NDST3: variants seen among roughly 807,000 people sequenced by gnomAD.
NDST3 encodes bifunctional heparan sulfate N-deacetylase/N-sulfotransferase 3.
A neutral mutation model predicts 96.1 loss-of-function variants in NDST3; 58 were observed. The ratio of observed to expected loss-of-function variants is 0.60; its 90% CI spans 0.49 to 0.75. The LOEUF (loss-of-function observed/expected upper bound fraction) is 0.75. Among genes scored for constraint, NDST3 ranks in the 30% least tolerant of loss-of-function variants. The pLI is 0.00. For missense variants in NDST3, 788 were observed against 1,034.2 expected (o/e 0.76, Z 3.27); for synonymous variants, 333 against 359.7 (o/e 0.93, Z 0.84).
rs1397061873 is a variant in NDST3, at chr4:118,207,295, G to T, written c.1540-17196G>T. 2.8e-5 allele frequency among the ~76,000 whole-genome samples: 4 copies of T among 143,732 alleles called. 1 individual carries two copies. Among genetic ancestry groups the T allele is most frequent in the African/African-American group, 1.0e-4 (4 of 38,854 alleles). 94.3% of individuals were successfully genotyped at this position (143,732 alleles called of 152,430 possible). On this transcript the variant is annotated intron_variant, in intron 6 of 13. Coordinates refer to ENST00000296499, the MANE Select transcript of NDST3 (RefSeq NM_004784.3). Reference sequence around the variant, plus strand: ...ATATTGGAGAGATAACTTATTAGAAGTTGATAGTGGGGGAAAATTTATAAA... The same window carrying T: ...ATATTGGAGAGATAACTTATTAGAATTTGATAGTGGGGGAAAATTTATAAA...
intron 6 of NDST3, among the ~76,000 whole-genome samples, chr4:118,150,949 G>GTGGCT (rs1280355772): frequency 2.0e-5 from 3 of 151,248 alleles, no homozygotes; most frequent in African/African-American, 7.4e-5. Context: ...TATGTTTATT[G>GTGGCT]CAGCATTATT....
At chr4:118,068,945 AT>A (rs1468902910) in intron 2 of NDST3, among the ~76,000 whole-genome samples, 2 of 152,106 alleles carry the variant, frequency 1.3e-5, no homozygotes, top group African/African-American at 4.8e-5. Context: ...ATTTTGGCAA[AT>A]ATGTGTACAT....
chr4:118,174,257 A>T (rs1438341049), intron 6 of NDST3, among the ~76,000 whole-genome samples: 2 of 152,202 alleles, frequency 1.3e-5, no homozygotes, highest in African/African-American at 4.8e-5. Context: ...GTTAAACTAA[A>T]CTTGATATGA....
intron 6 of NDST3, among the ~76,000 whole-genome samples, chr4:118,155,725 T>C (rs1734671726): frequency 6.6e-6 from 1 of 152,162 alleles, no homozygotes; most frequent in East Asian, 1.9e-4. Context: ...TGGTTTACAG[T>C]TTCAGTTTCC....
chr4:118,226,353 A>G (rs1324418710), intron 7 of NDST3, among the ~76,000 whole-genome samples: 1 of 152,186 alleles, frequency 6.6e-6, no homozygotes, highest in Non-Finnish European at 1.5e-5. Context: ...ATCATAGTCT[A>G]TAAAGTTACA....
chr4:118,255,514 A>T, intron 13 of NDST3, 79 bp from the exon 14 acceptor site: 1 of 1,385,996 alleles, frequency 7.2e-7, no homozygotes, highest in Admixed American at 2.1e-5. Flanking sequence ...TATACTTGGT[A>T]CTTATTTCAA....
intron 6 of NDST3, among the ~76,000 whole-genome samples, chr4:118,163,413 A>G (rs1578751547): frequency 1.3e-5 from 2 of 152,280 alleles, no homozygotes; most frequent in South Asian, 4.1e-4. Context: ...ATGGAATACT[A>G]TGCAGCCATA....
chr4:118,053,780 C>T lies in NDST3; in HGVS notation c.-131C>T. 1.1e-6 allele frequency: 1 copy of T among 935,322 alleles called. No individual in the cohort carries two copies. The highest frequency in any genetic ancestry group is 1.6e-6 in the Non-Finnish European group (1 of 633,814). 57.9% of individuals were successfully genotyped at this position (935,322 alleles called of 1,614,324 possible). A position where few individuals can be genotyped will look rare whatever the true frequency, so the allele number is the denominator to read the frequency against. On this transcript the variant is annotated 5_prime_UTR_variant, in exon 2 of 14. Transcript: ENST00000296499. The stretch of plus-strand genomic sequence containing the variant: ...GACTGTATTTTCTGTGAGTCCTGAT[C>T]AAGTGATACAAATGAGCTGCAATGG...
intron 4 of NDST3, among the ~76,000 whole-genome samples, chr4:118,122,239 T>TG (rs1307782607): frequency 6.6e-6 from 1 of 151,978 alleles, no homozygotes; most frequent in African/African-American, 2.4e-5. Flanking sequence ...GGTATGAGGG[T>TG]GGGGGAGGTC....
At chr4:118,128,064 T>A (rs928785296) in intron 4 of NDST3, among the ~76,000 whole-genome samples, 2 of 152,254 alleles carry the variant, frequency 1.3e-5, no homozygotes, top group South Asian at 4.1e-4. Context: ...AATTTGTTTA[T>A]CAGTTCTAAT....
chr4:118,062,799 A>G (rs866741094), intron 2 of NDST3, among the ~76,000 whole-genome samples: 3 of 152,132 alleles, frequency 2.0e-5, no homozygotes, highest in East Asian at 1.9e-4. Context: ...ATGACGTTCT[A>G]AAAGAATGAG....
chr4:118,090,282 A>G (rs1458580203), intron 2 of NDST3, among the ~76,000 whole-genome samples: 1 of 151,996 alleles, frequency 6.6e-6, no homozygotes, highest in Non-Finnish European at 1.5e-5. Context: ...TATTTTAAAC[A>G]GCAAGTTAAA....
chr4:118,115,071 T>A lies in NDST3; in HGVS notation c.1224+111T>A, dbSNP rs892858084. ...TTCAGTGGCTTTTCCATATGATCAT[T>A]TGGAATATTTTGGTATTGCCGCCTT... On this transcript the variant is annotated intron_variant, in intron 4 of 13. Transcript: ENST00000296499. 13 of 1,128,324 alleles carry A rather than the reference T, an allele frequency of 1.2e-5. No homozygotes were observed. In the Admixed American group the frequency reaches 3.0e-4, roughly 26 times the overall value. 69.9% of individuals were successfully genotyped at this position (1,128,324 alleles called of 1,614,324 possible). A position where few individuals can be genotyped will look rare whatever the true frequency, so the allele number is the denominator to read the frequency against.
At chr4:118,147,947 A>T (rs567165638) in intron 6 of NDST3, among the ~76,000 whole-genome samples, 1 of 152,316 alleles carries the variant, frequency 6.6e-6, no homozygotes, top group African/African-American at 2.4e-5. Flanking sequence ...AACATGCTTG[A>T]TAATAAAGTC....
At chr4:118,224,909 T>G (rs1489469973) in intron 7 of NDST3, among the ~76,000 whole-genome samples, 2 of 152,158 alleles carry the variant, frequency 1.3e-5, no homozygotes, top group African/African-American at 4.8e-5. Flanking sequence ...CAGTGACAGA[T>G]TCAATGAATA....
rs539622838 is a variant in NDST3, at chr4:118,075,373, T to C, written c.981+20482T>C. On this transcript the variant is annotated intron_variant, in intron 2 of 13. Coordinates refer to ENST00000296499, the MANE Select transcript of NDST3 (RefSeq NM_004784.3). ...ACAGTAAACATACATGTGCAGTGTC[T>C]TTATAGTAGCATGATTTATAATCCT... is the stretch of plus-strand genomic sequence containing the variant. Among the ~76,000 whole-genome samples, 32 of 152,332 alleles carry C rather than the reference T, an allele frequency of 2.1e-4. No individual in the cohort carries two copies. In the East Asian group the frequency reaches 6.2e-3, roughly 29 times the overall value.
At chr4:118,102,913 T>G (rs1195245165) in intron 2 of NDST3, among the ~76,000 whole-genome samples, 3 of 152,150 alleles carry the variant, frequency 2.0e-5, no homozygotes, top group Non-Finnish European at 2.9e-5. Flanking sequence ...ATGTGTTTAG[T>G]GTTTATTTCT....
At chr4:118,238,361 T>C (rs1302985057) in intron 10 of NDST3, among the ~76,000 whole-genome samples, 1 of 152,188 alleles carries the variant, frequency 6.6e-6, no homozygotes, top group Non-Finnish European at 1.5e-5. Context: ...TTTGAAATAA[T>C]TTAACAAACT....
chr4:118,058,834 C>T (rs2110461459), intron 2 of NDST3, among the ~76,000 whole-genome samples: 1 of 152,170 alleles, frequency 6.6e-6, no homozygotes, highest in East Asian at 1.9e-4. Context: ...CATGAAAGCA[C>T]TTCATGACCC....
Sources: gnomAD v4.1 joint callset for allele counts (sites outside exome capture counted in the v4.1 genomes callset) on GRCh38, gnomAD v4.1.1 for gene constraint, MANE v1.5 for transcripts, NCBI Gene and HGNC (gene_info 2026-07-23, HGNC 2026-07-21) for gene names.